SELP: variants seen among roughly 807,000 people sequenced by gnomAD.
The protein encoded by SELP is P-selectin.
SELP carries 92 observed loss-of-function variants against 104.1 expected under a neutral mutation model. The observed-to-expected ratio is 0.88, with a 90% CI of 0.75 to 1.05. The LOEUF (loss-of-function observed/expected upper bound fraction) is 1.05, where lower values mean the gene tolerates loss of function less well. SELP is among the 50% of genes least tolerant of loss of function. The probability of loss-of-function intolerance (pLI) is 0.00; values close to 1 mark genes in which losing one functional copy is unlikely to be tolerated. For synonymous variants in SELP, 397 were observed against 364.5 expected (o/e 1.09, Z -1.01); for missense variants, 1,022 against 1,017.3 (o/e 1.00, Z -0.06).
chr1:169,623,337 G>A (rs75117816), intron 1 of SELP, among the ~76,000 whole-genome samples: 15 of 152,282 alleles, frequency 9.9e-5, no homozygotes, highest in South Asian at 2.1e-4. Flanking sequence ...CGAAGGAGTC[G>A]GTGAGGCTCC....
intron 3 of SELP, among the ~76,000 whole-genome samples, chr1:169,614,992 T>C (rs977771817): frequency 6.6e-6 from 1 of 152,166 alleles, no homozygotes; most frequent in Non-Finnish European, 1.5e-5. Context: ...CCTTGGGATC[T>C]CAGAACTCTA....
intron 10 of SELP, among the ~76,000 whole-genome samples, chr1:169,601,041 C>T (rs1248569201): frequency 1.3e-5 from 2 of 152,076 alleles, no homozygotes; most frequent in Admixed American, 1.3e-4. Context: ...GATTTAGCAG[C>T]CATGTTGGTT....
At chr1:169,620,677 G>C (rs542137797) in intron 1 of SELP, among the ~76,000 whole-genome samples, 1 of 151,876 alleles carries the variant, frequency 6.6e-6, no homozygotes, top group Non-Finnish European at 1.5e-5. Flanking sequence ...GTGTGTGTTC[G>C]TGTGTCATGC....
In SELP at chr1:169,613,049, T is replaced by C. The variant is rs1571659495; in HGVS notation, c.655A>G (p.Asn219Asp). The C allele has an allele frequency of 6.2e-7, 1 of 1,613,816 alleles. No individual in the cohort carries two copies. Among genetic ancestry groups the C allele is most frequent in the Non-Finnish European group, 8.5e-7 (1 of 1,179,812 alleles). The stretch of plus-strand genomic sequence containing the variant: ...CTGCACTGCGAGTTAAAAGAGAAGT[T>C]TCCCAGAGGGTGGCTGCAGTTCATG... ...VLMNCSHPLG[N>D]FSFNSQCSFH... Residue 219 changes from asparagine to aspartate, a missense_variant, in exon 5 of 17, where the codon AAC becomes GAC. Coordinates refer to ENST00000263686, the MANE Select transcript of SELP (RefSeq NM_003005.4).
rs111270114 is a variant in SELP at position 169,603,196 on chromosome 1, G to T, written c.1535C>A (p.Pro512His). 89 of 1,612,364 alleles carry T rather than the reference G, an allele frequency of 5.5e-5. No individual in the cohort carries two copies. The African/African-American group carries it at 8.7e-4, about 16-fold the overall frequency. Reference sequence around the variant, plus strand: ...TGTTCCATTCTGAGGGCTTAGCAAAGGTGTGCAGGGAATGGCTATCATGGG... The same window carrying T: ...TGTTCCATTCTGAGGGCTTAGCAAATGTGTGCAGGGAATGGCTATCATGGG... ...PPECQAIPCT[P>H]LLSPQNGTMT... Residue 512 changes from proline (P) to histidine (H), a missense_variant, in exon 10 of 17, where the codon CCT (proline) becomes CAT (histidine). Pro to His is a moderately conservative substitution (Grantham distance 77). Transcript: ENST00000263686.
At chr1:169,594,532 A>G (rs1359214510) in intron 13 of SELP, among the ~76,000 whole-genome samples, 160 bp downstream of exon 13, 1 of 152,208 alleles carries the variant, frequency 6.6e-6, no homozygotes, top group Non-Finnish European at 1.5e-5. Flanking sequence ...CTACTTTATA[A>G]GGCAAGGAGA....
intron 12 of SELP, among the ~76,000 whole-genome samples, chr1:169,595,374 T>G (rs3917822): frequency 0.011 from 1,628 of 152,294 alleles, 33 homozygotes; most frequent in African/African-American, 0.037. Flanking sequence ...GGATAGGAAA[T>G]TAAAGGTCAA....
chr1:169,617,085 G>GGGCTGAC lies in SELP; in HGVS notation c.417_423dup (p.Pro142ValfsTer8). ...CAGTGCTCATCATTCCACTTGCCAG[G>GGGCTGAC]GGCTGACGGACTCTTGATGTATATC... On this transcript the variant is annotated frameshift_variant, in exon 3 of 17. Coordinates refer to ENST00000263686, the MANE Select transcript of SELP (RefSeq NM_003005.4). LOFTEE classifies it high-confidence loss of function. 1 of 1,613,740 alleles carries GGGCTGAC rather than the reference G, an allele frequency of 6.2e-7. No individual in the cohort carries two copies. Among genetic ancestry groups the GGGCTGAC allele is most frequent in the South Asian group, 1.1e-5 (1 of 91,038 alleles).
intron 4 of SELP, 46 bp from the exon 5 acceptor site, chr1:169,613,160 C>T (rs1662635538): frequency 6.7e-7 from 1 of 1,502,036 alleles, no homozygotes. Flanking sequence ...GTAGAATTAA[C>T]AGCAATGTCA....
At chr1:169,609,811 C>T in intron 7 of SELP, 122 bp from the exon 8 acceptor site, 2 of 893,422 alleles carry the variant, frequency 2.2e-6, no homozygotes, top group East Asian at 2.8e-5. Flanking sequence ...ACCCTAAAAC[C>T]TCCATTTTCC....
chr1:169,598,727 G>A (rs112768925), intron 10 of SELP, among the ~76,000 whole-genome samples: 2 of 152,174 alleles, frequency 1.3e-5, no homozygotes, highest in African/African-American at 4.8e-5. Flanking sequence ...TCAGCTGCAG[G>A]AAAGCAGGGA....
At chr1:169,603,340 T>A in intron 9 of SELP, 129 bp from the exon 10 acceptor site, 1 of 698,258 alleles carries the variant, frequency 1.4e-6, no homozygotes. Flanking sequence ...TGTGTGTGTG[T>A]GTGTGTGTGA....
intron 10 of SELP, among the ~76,000 whole-genome samples, chr1:169,600,401 T>G (rs1661843213): frequency 6.6e-6 from 1 of 152,174 alleles, no homozygotes; most frequent in African/African-American, 2.4e-5. Context: ...TATGCAAATA[T>G]TATGCCATTT....
intron 15 of SELP, 150 bp downstream of exon 15, chr1:169,591,276 G>A: frequency 2.0e-6 from 1 of 493,556 alleles, no homozygotes; most frequent in Non-Finnish European, 3.7e-6. Flanking sequence ...TTTGTTATCT[G>A]TGTATTTTAC....
intron 1 of SELP, among the ~76,000 whole-genome samples, chr1:169,623,274 G>T (rs3917675): frequency 0.058 from 8,852 of 152,228 alleles, 375 homozygotes; most frequent in East Asian, 0.2. Flanking sequence ...CCTGAACAGA[G>T]TATTTCTAGG....
intron 14 of SELP, among the ~76,000 whole-genome samples, chr1:169,591,821 G>T (rs1461950671): frequency 6.6e-6 from 1 of 152,118 alleles, no homozygotes; most frequent in African/African-American, 2.4e-5. Flanking sequence ...CTCCCTGGTA[G>T]CATATTTTTA....
intron 10 of SELP, among the ~76,000 whole-genome samples, chr1:169,597,831 G>T (rs80126562): frequency 6.6e-6 from 1 of 152,286 alleles, no homozygotes; most frequent in African/African-American, 2.4e-5. Flanking sequence ...ATTCCCCTGA[G>T]AATTTTTCCA....
At position 169,603,307 on chromosome 1, in the gene SELP, C is replaced by CTCTGTGTGTGTG. The variant is rs879181764; in HGVS notation, c.1520-97_1520-96insCACACACACAGA. The stretch of plus-strand genomic sequence containing the variant: ...TCTCTCTCTTTCTCCCTCTCTCTCT[C>CTCTGTGTGTGTG]TGTGTGTGTGTGTGTGTGTGTGTGT... On this transcript the variant is annotated intron_variant, in intron 9 of 16. Transcript: ENST00000263686. 9.4e-4 allele frequency: 568 copies of CTCTGTGTGTGTG among 605,536 alleles called. 1 individual carries two copies. The highest frequency in any genetic ancestry group is 2.6e-3 in the African/African-American group (120 of 45,752). The allele number at this position is 605,536 out of a possible 1,614,324, so 37.5% of individuals were successfully genotyped here.
Position 169,588,916 on chromosome 1 carries a change from G to A in SELP, c.*547C>T, listed in dbSNP as rs1265577179. 1.3e-5 allele frequency: 2 copies of A among 152,156 alleles called. No homozygotes were observed. The highest frequency in any genetic ancestry group is 1.9e-4 in the East Asian group (1 of 5,200). 9.4% of individuals were successfully genotyped at this position (152,156 alleles called of 1,614,324 possible). ...TTGGGTCATTTGAGGGACAGTGACTGGTGGCAGGAAGGTCCACGGTGACAT... is the reference window on the plus strand; with the variant it reads ...TTGGGTCATTTGAGGGACAGTGACTAGTGGCAGGAAGGTCCACGGTGACAT... On this transcript the variant is annotated 3_prime_UTR_variant, in exon 17 of 17. Coordinates refer to ENST00000263686, the MANE Select transcript of SELP (RefSeq NM_003005.4).
Sources: allele counts gnomAD v4.1 joint callset (sites outside exome capture counted in the v4.1 genomes callset), GRCh38; gene constraint gnomAD v4.1.1; transcripts MANE v1.5; gene names NCBI Gene and HGNC (gene_info 2026-07-23, HGNC 2026-07-21).